ASIC2: variants seen among roughly 807,000 people sequenced by gnomAD.
ASIC2 encodes the protein acid-sensing ion channel 2.
Under a neutral mutation model 57.3 loss-of-function variants are expected in ASIC2, and 25 were observed. The ratio of observed to expected loss-of-function variants is 0.44; its 90% confidence interval spans 0.32 to 0.61. The LOEUF (loss-of-function observed/expected upper bound fraction) is 0.61. ASIC2 is among the 20% of genes least tolerant of loss of function. The pLI is 0.06. For missense variants in ASIC2, 641 were observed against 738.1 expected, an observed-to-expected ratio of 0.87 and a Z score of 1.52; for synonymous variants, 319 against 307.5, an observed-to-expected ratio of 1.04 and a Z score of -0.39.
chr17:33,403,250 A>G (rs1453002300), intron 1 of ASIC2, among the ~76,000 whole-genome samples: 4 of 152,196 alleles, frequency 2.6e-5, no homozygotes, highest in African/African-American at 9.7e-5. Context: ...GTGTCTCATC[A>G]TATAAATACA....
At chr17:33,610,054 G>GCGCACACACACACACA (rs375575593) in intron 1 of ASIC2, among the ~76,000 whole-genome samples, 59 of 144,844 alleles carry the variant, frequency 4.1e-4, no homozygotes, top group African/African-American at 1.5e-3. Context: ...GGACAGAGGC[G>GCGCACACACACACACA]CACACACACA....
chr17:33,876,381 G>T (rs1405105388), intron 1 of ASIC2, among the ~76,000 whole-genome samples: 2 of 152,150 alleles, frequency 1.3e-5, no homozygotes, highest in African/African-American at 4.8e-5. Flanking sequence ...GCATGATGTG[G>T]TTACAAAACA....
intron 1 of ASIC2, among the ~76,000 whole-genome samples, chr17:34,098,373 T>C (rs1055768054): frequency 9.9e-5 from 15 of 152,080 alleles, no homozygotes; most frequent in African/African-American, 3.1e-4. Flanking sequence ...AAATTCCCAA[T>C]TGAAAAACAA....
chr17:33,937,881 G>A (rs1916102791), intron 1 of ASIC2, among the ~76,000 whole-genome samples: 1 of 152,178 alleles, frequency 6.6e-6, no homozygotes, highest in African/African-American at 2.4e-5. Context: ...CAAAGCAGAT[G>A]ATGACTTTTA....
chr17:33,722,171 C>T (rs1381823346), intron 1 of ASIC2, among the ~76,000 whole-genome samples: 1 of 152,080 alleles, frequency 6.6e-6, no homozygotes, highest in African/African-American at 2.4e-5. Flanking sequence ...ATGCTGTTCT[C>T]ATGGTAGTGA....
intron 1 of ASIC2, among the ~76,000 whole-genome samples, chr17:34,102,743 T>C (rs1910910590): frequency 2.0e-5 from 3 of 152,260 alleles, no homozygotes; most frequent in African/African-American, 7.2e-5. Context: ...TTGGGGCTGT[T>C]TCCAGTTCTT....
intron 1 of ASIC2, among the ~76,000 whole-genome samples, chr17:33,998,827 G>T (rs1248587180): frequency 6.6e-6 from 1 of 152,116 alleles, no homozygotes; most frequent in Non-Finnish European, 1.5e-5. Context: ...CACTTGAAAA[G>T]AATATGTATT....
chr17:34,061,094 G>A (rs968941305), intron 1 of ASIC2, among the ~76,000 whole-genome samples: 2 of 152,140 alleles, frequency 1.3e-5, no homozygotes, highest in Non-Finnish European at 2.9e-5. Flanking sequence ...AGAACTGTGA[G>A]ACATAATCAC....
intron 1 of ASIC2, among the ~76,000 whole-genome samples, chr17:33,753,152 G>T (rs1910485502): frequency 1.3e-5 from 2 of 152,210 alleles, no homozygotes; most frequent in Admixed American, 1.3e-4. Flanking sequence ...TCAAGCCATA[G>T]AAAGACATGG....
intron 1 of ASIC2, among the ~76,000 whole-genome samples, chr17:34,124,623 C>A (rs1432643652): frequency 3.3e-5 from 5 of 152,138 alleles, no homozygotes; most frequent in Admixed American, 1.3e-4. Context: ...ACAACAACAA[C>A]AAAAACACAT....
At chr17:33,510,024 C>T (rs961159155) in intron 1 of ASIC2, among the ~76,000 whole-genome samples, 2 of 152,182 alleles carry the variant, frequency 1.3e-5, no homozygotes, top group Admixed American at 6.5e-5. Flanking sequence ...AAATAGCCCT[C>T]CAGAGGGAGG....
At chr17:34,097,623 T>C (rs1910594572) in intron 1 of ASIC2, among the ~76,000 whole-genome samples, 1 of 152,274 alleles carries the variant, frequency 6.6e-6, no homozygotes. Flanking sequence ...TGGAGTTATT[T>C]TTAAATTTGT....
intron 1 of ASIC2, among the ~76,000 whole-genome samples, chr17:33,950,269 A>G (rs557902384): frequency 6.6e-6 from 1 of 152,332 alleles, no homozygotes; most frequent in Admixed American, 6.5e-5. Context: ...CTCAGTGCAG[A>G]CCCAGAGGCT....
chr17:33,686,131 G>C (rs1354118652), intron 1 of ASIC2, among the ~76,000 whole-genome samples: 1 of 152,186 alleles, frequency 6.6e-6, no homozygotes. Flanking sequence ...GGGTTTCTGA[G>C]TTCTTAACAG....
chr17:34,127,893 C>T (rs1415602388), intron 1 of ASIC2, among the ~76,000 whole-genome samples: 5 of 152,120 alleles, frequency 3.3e-5, no homozygotes, highest in Admixed American at 2.6e-4. Flanking sequence ...CTGAGCATCC[C>T]GGGCCTTGGG....
At chr17:34,144,930 C>T (rs954925781) in intron 1 of ASIC2, among the ~76,000 whole-genome samples, 2 of 152,186 alleles carry the variant, frequency 1.3e-5, no homozygotes, top group African/African-American at 4.8e-5. Flanking sequence ...CTATCTCTAG[C>T]CATACTAAAC....
At chr17:33,517,422 T>A (rs1218905064) in intron 1 of ASIC2, among the ~76,000 whole-genome samples, 2 of 152,228 alleles carry the variant, frequency 1.3e-5, no homozygotes, top group Non-Finnish European at 2.9e-5. Flanking sequence ...GGCCTTTTGC[T>A]GCGTATTAAA....
intron 1 of ASIC2, among the ~76,000 whole-genome samples, chr17:34,034,843 C>G (rs112829151): frequency 1.3e-5 from 2 of 152,056 alleles, no homozygotes; most frequent in Admixed American, 1.3e-4. Context: ...CTACAAACCA[C>G]TGCTCAATGA....
chr17:33,969,528 A>G (rs34640416), intron 1 of ASIC2, among the ~76,000 whole-genome samples: 45,767 of 152,142 alleles, frequency 0.3, 7,400 homozygotes, highest in Admixed American at 0.37. Flanking sequence ...TCTGGGGAAC[A>G]AGAAAGGGGA....
Sources: allele counts gnomAD v4.1 joint callset (sites outside exome capture counted in the v4.1 genomes callset), GRCh38; gene constraint gnomAD v4.1.1; transcripts MANE v1.5; gene names NCBI Gene and HGNC (gene_info 2026-07-23, HGNC 2026-07-21).